RHBDL3: variants seen among roughly 807,000 people sequenced by gnomAD.
RHBDL3 encodes rhomboid like 3.
Under a neutral mutation model 48.2 loss-of-function variants are expected in RHBDL3, and 28 were observed. The observed-to-expected ratio is 0.58, with a 90% confidence interval of 0.43 to 0.80. RHBDL3 has a LOEUF of 0.80. Among genes scored for constraint, RHBDL3 ranks in the 30% least tolerant of loss-of-function variants. The probability of loss-of-function intolerance (pLI) is 0.00; values close to 1 mark genes in which losing one functional copy is unlikely to be tolerated. For synonymous variants in RHBDL3, 208 were observed against 232.3 expected (o/e 0.90, Z 0.95); for missense variants, 464 against 542.7 (o/e 0.85, Z 1.44).
Position 32,284,739 on chromosome 17 carries a change from G to A in RHBDL3, c.216G>A (p.Pro72=), listed in dbSNP as rs769548821. 50 of 1,613,792 alleles carry A rather than the reference G, an allele frequency of 3.1e-5. No homozygotes were observed. In the East Asian group the frequency reaches 4.5e-4, roughly 14 times the overall value. ...AGAGCCACAGCTCCAAGCTGGACCCGCACAAAAGGGAGGTCCTCCTGGCTC... is the reference window on the plus strand; with the variant it reads ...AGAGCCACAGCTCCAAGCTGGACCCACACAAAAGGGAGGTCCTCCTGGCTC... ...LLESHSSKLD[P]HKREVLLALA... is the part of the protein sequence containing the mutation. Residue 72 remains proline, a synonymous_variant, in exon 3 of 9, where the codon CCG becomes CCA. Coordinates refer to ENST00000269051, the MANE Select transcript of RHBDL3 (RefSeq NM_138328.3).
At chr17:32,279,039 G>A (rs1355285165) in intron 2 of RHBDL3, among the ~76,000 whole-genome samples, 2 of 152,064 alleles carry the variant, frequency 1.3e-5, no homozygotes, top group Admixed American at 1.3e-4. Flanking sequence ...AACACAGGAA[G>A]ATTGCTTGAT....
intron 7 of RHBDL3, among the ~76,000 whole-genome samples, chr17:32,314,330 C>T (rs796226877): frequency 3.3e-5 from 5 of 152,204 alleles, no homozygotes; most frequent in African/African-American, 9.6e-5. Flanking sequence ...GGGTGGCTTC[C>T]GTGTCTTGCC....
chr17:32,305,046 G>A (rs1358154327), intron 6 of RHBDL3, among the ~76,000 whole-genome samples: 5 of 152,032 alleles, frequency 3.3e-5, no homozygotes, highest in South Asian at 2.1e-4. Context: ...ACTTGAGCCC[G>A]GGGGTCAAGG....
chr17:32,320,760 T>A (rs1481773483), intron 8 of RHBDL3, among the ~76,000 whole-genome samples, 198 bp from the exon 9 acceptor site: 1 of 152,250 alleles, frequency 6.6e-6, no homozygotes, highest in African/African-American at 2.4e-5. Flanking sequence ...TGTATGTAAT[T>A]GCTTACTGGT....
intron 2 of RHBDL3, among the ~76,000 whole-genome samples, chr17:32,283,527 G>T (rs565680868): frequency 1.3e-5 from 2 of 151,280 alleles, no homozygotes; most frequent in Admixed American, 6.6e-5. Context: ...GTTTCACCGT[G>T]TTAGCCAGGA....
intron 2 of RHBDL3, among the ~76,000 whole-genome samples, chr17:32,276,834 C>T: frequency 1.9e-5 from 1 of 52,524 alleles, no homozygotes; most frequent in East Asian, 3.8e-4. Context: ...GCCCTAGCAC[C>T]TTACTCCGGC....
chr17:32,288,708 C>G, intron 3 of RHBDL3, 84 bp from the exon 4 acceptor site: 2 of 985,262 alleles, frequency 2.0e-6, no homozygotes, highest in South Asian at 3.0e-5. Context: ...AGGCCTGGTG[C>G]AAGGAACATG....
chr17:32,266,643 T>A (rs961147829), intron 1 of RHBDL3, among the ~76,000 whole-genome samples: 2 of 151,848 alleles, frequency 1.3e-5, no homozygotes, highest in South Asian at 4.1e-4. Flanking sequence ...TGACTCCCCC[T>A]CCCCTCACGC....
chr17:32,276,354 G>T (rs539368576), intron 2 of RHBDL3, among the ~76,000 whole-genome samples: 5 of 152,270 alleles, frequency 3.3e-5, no homozygotes, highest in African/African-American at 1.2e-4. Flanking sequence ...ATCCTCATTT[G>T]CAAGAAAGCA....
At chr17:32,266,598 G>T (rs1002560724) in intron 1 of RHBDL3, among the ~76,000 whole-genome samples, 3 of 152,154 alleles carry the variant, frequency 2.0e-5, no homozygotes, top group Admixed American at 6.5e-5. Flanking sequence ...CCCGGGACAC[G>T]GCGTTTTCCC....
intron 1 of RHBDL3, among the ~76,000 whole-genome samples, chr17:32,266,977 G>T (rs969333240): frequency 3.9e-5 from 6 of 152,092 alleles, no homozygotes; most frequent in African/African-American, 1.4e-4. Flanking sequence ...TCTGCTGCTC[G>T]GGTCTCCATC....
chr17:32,306,680 G>C (rs1416120014), intron 7 of RHBDL3, among the ~76,000 whole-genome samples: 1 of 152,328 alleles, frequency 6.6e-6, no homozygotes, highest in East Asian at 1.9e-4. Flanking sequence ...AGCACTTTGA[G>C]AGGCTGAGGT....
intron 5 of RHBDL3, 88 bp from the exon 6 acceptor site, chr17:32,298,004 C>A: frequency 2.1e-6 from 2 of 945,588 alleles, no homozygotes; most frequent in Non-Finnish European, 3.4e-6. Flanking sequence ...GGATCCCTGG[C>A]ATCTTGGGGG....
chr17:32,321,424 G>GAT lies in RHBDL3; in HGVS notation c.*196_*197dup, dbSNP rs768379212. 1.9e-5 allele frequency: 29 copies of GAT among 1,488,948 alleles called. No individual in the cohort carries two copies. In the South Asian group the frequency reaches 3.6e-4, roughly 19 times the overall value. The allele number at this position is 1,488,948 out of a possible 1,614,324, so 92.2% of individuals were successfully genotyped here. On this transcript the variant is annotated 3_prime_UTR_variant, in exon 9 of 9. Transcript: ENST00000269051. ...CTGAAAGGCATCTGGCGGAGGAGTT[G>GAT]ATGTGGCTGCTGTCGTTTTTCTCGG...
rs1386323990 is a variant in RHBDL3 at position 32,298,188 on chromosome 17, G to T, written c.765G>T (p.Val255=). 6.2e-7 allele frequency: 1 copy of T among 1,613,166 alleles called. No homozygotes were observed. The change falls in exon 6 of 9, where the codon GTG becomes GTT. Residue 255 remains valine (V), a synonymous_variant. Transcript: ENST00000269051. ...HGATRIGLVY[V]AGVVAGSLAV... ...CCACCCGAATTGGGCTTGTCTACGT[G>T]GCCGGTGTTGTGGCAGGTAGGCAGG...
chr17:32,273,073 T>G (rs559430542), intron 2 of RHBDL3, among the ~76,000 whole-genome samples: 89 of 152,352 alleles, frequency 5.8e-4, no homozygotes, highest in Admixed American at 4.0e-3. Flanking sequence ...CGATCTCAGC[T>G]TACCGCAACC....
chr17:32,294,303 T>C lies in RHBDL3; in HGVS notation c.529T>C (p.Phe177Leu). 1 of 1,613,788 alleles carries C rather than the reference T, an allele frequency of 6.2e-7. No homozygotes were observed. The part of the protein sequence containing the change: ...ITVTLLEVAF[F>L]LYNGVSLGQF... ...TCTCTCTTCTGTCCAGGTTGCCTTTTTCCTCTACAATGGGGTGTCACTAGG... is the reference window on the plus strand; with the variant it reads ...TCTCTCTTCTGTCCAGGTTGCCTTTCTCCTCTACAATGGGGTGTCACTAGG... The change falls in exon 5 of 9, where the codon TTC becomes CTC. Residue 177 changes from phenylalanine to leucine, a missense_variant. Transcript: ENST00000269051.
At chr17:32,270,154 AAAAG>A (rs1314799988) in intron 2 of RHBDL3, among the ~76,000 whole-genome samples, 2 of 151,072 alleles carry the variant, frequency 1.3e-5, no homozygotes, top group African/African-American at 2.4e-5. Context: ...AAAAAAAAAA[AAAAG>A]AAGCAAGCAA....
chr17:32,298,562 C>G (rs1410945994), intron 6 of RHBDL3, among the ~76,000 whole-genome samples: 2 of 152,222 alleles, frequency 1.3e-5, no homozygotes, highest in Admixed American at 1.3e-4. Context: ...TGAGATCTGC[C>G]TGTAGGGTTG....
Sources: gnomAD v4.1 joint callset for allele counts (sites outside exome capture counted in the v4.1 genomes callset) on GRCh38, gnomAD v4.1.1 for gene constraint, MANE v1.5 for transcripts, NCBI Gene and HGNC (gene_info 2026-07-23, HGNC 2026-07-21) for gene names.